Variants in SGF29 observed in about 807,000 individuals in gnomAD.
The protein encoded by SGF29 is SAGA-associated factor 29.
Under a neutral mutation model 38.1 loss-of-function variants are expected in SGF29, and 15 were observed. That is an observed-to-expected ratio of 0.39 (90% CI 0.26 to 0.61). The LOEUF is 0.61. Ranked by LOEUF, SGF29 falls within the 20% of genes least tolerant of loss-of-function variation. The pLI is 0.49. For synonymous variants in SGF29, 151 were observed against 160.8 expected (o/e 0.94, Z 0.46); for missense variants, 184 against 394.6 (o/e 0.47, Z 4.52).
At chr16:28,557,811 T>C (rs1454820678) in intron 1 of SGF29, among the ~76,000 whole-genome samples, 1 of 152,176 alleles carries the variant, frequency 6.6e-6, no homozygotes, top group East Asian at 1.9e-4. Flanking sequence ...GGAAATCTTA[T>C]GTGTTGATTA....
At chr16:28,557,826 A>G (rs886579834) in intron 1 of SGF29, among the ~76,000 whole-genome samples, 1 of 152,138 alleles carries the variant, frequency 6.6e-6, no homozygotes, top group Non-Finnish European at 1.5e-5. Context: ...TGATTATCCT[A>G]TATTGTGACA....
At chr16:28,557,328 A>G (rs2046758419) in intron 1 of SGF29, among the ~76,000 whole-genome samples, 1 of 152,204 alleles carries the variant, frequency 6.6e-6, no homozygotes, top group African/African-American at 2.4e-5. Context: ...TGACTCTGTG[A>G]TATTGTAAAA....
At chr16:28,588,572 T>G (rs1415201780) in intron 4 of SGF29, 2 of 413,922 alleles carry the variant, frequency 4.8e-6, no homozygotes, top group Non-Finnish European at 9.5e-6. Flanking sequence ...CCAGTTTTCT[T>G]TTTTTTTTTG....
At chr16:28,588,386 A>AG (rs913515247) in intron 4 of SGF29, among the ~76,000 whole-genome samples, 3 of 152,046 alleles carry the variant, frequency 2.0e-5, no homozygotes, top group Non-Finnish European at 2.9e-5. Context: ...GGCAGACCTG[A>AG]GGCCCCCTCT....
intron 1 of SGF29, among the ~76,000 whole-genome samples, chr16:28,564,401 C>G (rs1166507130): frequency 6.6e-6 from 1 of 150,428 alleles, no homozygotes; most frequent in Non-Finnish European, 1.5e-5. Context: ...CGATCTTCCA[C>G]CGGGTTAGAG....
chr16:28,566,968 C>G (rs1041055756), intron 1 of SGF29, among the ~76,000 whole-genome samples: 1 of 152,094 alleles, frequency 6.6e-6, no homozygotes, highest in Middle Eastern at 3.2e-3. Flanking sequence ...CCGTACCCCA[C>G]CAGTTAATTG....
chr16:28,571,926 A>C (rs550922664), intron 1 of SGF29, among the ~76,000 whole-genome samples: 1 of 152,334 alleles, frequency 6.6e-6, no homozygotes, highest in African/African-American at 2.4e-5. Flanking sequence ...TCTGTTGGGG[A>C]AGAAAAGATA....
chr16:28,584,626 A>G (rs1261144611), intron 2 of SGF29, among the ~76,000 whole-genome samples: 5 of 152,084 alleles, frequency 3.3e-5, no homozygotes, highest in Admixed American at 3.3e-4. Context: ...CGTCTCTTCT[A>G]AAACTACAAA....
intron 1 of SGF29, among the ~76,000 whole-genome samples, chr16:28,559,089 G>A (rs1409496700): frequency 6.6e-6 from 1 of 152,192 alleles, no homozygotes; most frequent in Non-Finnish European, 1.5e-5. Flanking sequence ...GGAGGCTGAA[G>A]CAGGAAGATT....
intron 1 of SGF29, among the ~76,000 whole-genome samples, chr16:28,579,237 T>G (rs2046911802): frequency 6.6e-6 from 1 of 152,028 alleles, no homozygotes; most frequent in African/African-American, 2.4e-5. Context: ...TGGTTGTCTT[T>G]TTACTCTTGT....
intron 4 of SGF29, 149 bp from the exon 5 acceptor site, chr16:28,588,951 T>A: frequency 1.3e-6 from 1 of 761,162 alleles, no homozygotes; most frequent in South Asian, 1.6e-5. Flanking sequence ...ACACCTGTCA[T>A]TCCACCTGCG....
intron 1 of SGF29, among the ~76,000 whole-genome samples, chr16:28,570,578 T>TTATTTATG (rs2046859302): frequency 6.8e-6 from 1 of 146,170 alleles, no homozygotes; most frequent in Non-Finnish European, 1.5e-5. Context: ...ATTTATTTAT[T>TTATTTATG]TATTTATTTA....
At chr16:28,579,259 T>TC (rs1423395359) in intron 1 of SGF29, among the ~76,000 whole-genome samples, 1 of 140,338 alleles carries the variant, frequency 7.1e-6, no homozygotes, top group Non-Finnish European at 1.5e-5. Flanking sequence ...CTAATTATCT[T>TC]TTTTTTTTTT....
At chr16:28,589,066 C>T (rs1431813793) in intron 4 of SGF29, 34 bp from the exon 5 acceptor site, 1 of 1,613,066 alleles carries the variant, frequency 6.2e-7, no homozygotes, top group South Asian at 1.1e-5. Flanking sequence ...TGTACGTTAA[C>T]CAAACCCTCT....
At chr16:28,581,389 G>C (rs562346898) in intron 2 of SGF29, among the ~76,000 whole-genome samples, 1 of 152,068 alleles carries the variant, frequency 6.6e-6, no homozygotes, top group Non-Finnish European at 1.5e-5. Context: ...GCCATACAAC[G>C]CACCCATTTA....
intron 1 of SGF29, among the ~76,000 whole-genome samples, chr16:28,562,631 G>A (rs1596596589): frequency 6.6e-6 from 1 of 152,212 alleles, no homozygotes. Flanking sequence ...GCCGCTCATG[G>A]TGACTCATGC....
chr16:28,569,065 G>T (rs1057072708), intron 1 of SGF29, among the ~76,000 whole-genome samples: 58 of 152,288 alleles, frequency 3.8e-4, no homozygotes, highest in African/African-American at 1.4e-3. Flanking sequence ...TCCAGCCTGG[G>T]CAACAAGAGC....
At chr16:28,587,118 T>C (rs1345162865) in intron 4 of SGF29, among the ~76,000 whole-genome samples, 1 of 152,230 alleles carries the variant, frequency 6.6e-6, no homozygotes, top group Admixed American at 6.5e-5. Flanking sequence ...AGTGCTGGGA[T>C]TACAGGTGTG....
At position 28,585,690 on chromosome 16, in the gene SGF29, C is replaced by T; in HGVS notation, c.194C>T (p.Thr65Ile). 1 of 1,614,236 alleles carries T rather than the reference C, an allele frequency of 6.2e-7. No individual in the cohort carries two copies. The highest frequency in any genetic ancestry group is 8.5e-7 in the Non-Finnish European group (1 of 1,180,022). The change falls in exon 4 of 10, where the codon ACC (threonine) becomes ATC (isoleucine). Residue 65 changes from threonine to isoleucine, a missense_variant. Around this residue, in one of 2 missense-constraint regions of SGF29, gnomAD observed 77 missense variants for 117.7 expected, o/e 0.65. Transcript: ENST00000317058. ...ACAAAGCTGCGTGGCCTCTACACAA[C>T]CGCCAAGGCCGATGCAGAGGCTGAG... ...YRTKLRGLYT[T>I]AKADAEAECN...
Sources: gnomAD v4.1 joint callset for allele counts (sites outside exome capture counted in the v4.1 genomes callset) on GRCh38, gnomAD v4.1.1 for gene constraint, gnomAD v4.1.1 regional missense constraint, MANE v1.5 for transcripts, NCBI Gene and HGNC (gene_info 2026-07-23, HGNC 2026-07-21) for gene names.